CAPZA2: variants seen among roughly 807,000 people sequenced by gnomAD.
The protein encoded by CAPZA2 is capping actin protein of muscle Z-line subunit alpha 2, also known as F-actin-capping protein subunit alpha-2.
A neutral mutation model predicts 44.0 loss-of-function variants in CAPZA2; 13 were observed. The observed-to-expected ratio is 0.30, with a 90% CI of 0.19 to 0.47. The LOEUF is 0.47. Ranked by LOEUF, CAPZA2 falls within the 20% of genes least tolerant of loss-of-function variation. The pLI is 1.00. For synonymous variants in CAPZA2, 94 were observed against 108.2 expected, an observed-to-expected ratio of 0.87 and a Z score of 0.81; for missense variants, 244 against 338.6, an observed-to-expected ratio of 0.72 and a Z score of 2.19.
chr7:116,877,730 C>T (rs1796640147), intron 1 of CAPZA2, among the ~76,000 whole-genome samples: 2 of 152,206 alleles, frequency 1.3e-5, no homozygotes, highest in Non-Finnish European at 2.9e-5. Context: ...TAATATTTTA[C>T]AGCCTTAGAA....
At chr7:116,863,015 C>G (rs919753507) in intron 1 of CAPZA2, among the ~76,000 whole-genome samples, 4 of 152,100 alleles carry the variant, frequency 2.6e-5, no homozygotes, top group Admixed American at 6.5e-5. Context: ...GACCGGGGAC[C>G]AGGGACGCAA....
At chr7:116,905,271 GGC>G (rs1293782219) in intron 5 of CAPZA2, among the ~76,000 whole-genome samples, 1 of 151,892 alleles carries the variant, frequency 6.6e-6, no homozygotes, top group Non-Finnish European at 1.5e-5. Flanking sequence ...GTGCTTCAGT[GGC>G]CTTTTCCATT....
At position 116,904,173 on chromosome 7, in the gene CAPZA2, A is replaced by G. The variant is rs1797030274; in HGVS notation, c.220-4A>G. On this transcript the variant is annotated splice_region_variant and splice_polypyrimidine_tract_variant and intron_variant, in intron 4 of 9. Coordinates refer to ENST00000361183, the MANE Select transcript of CAPZA2 (RefSeq NM_006136.3). The stretch of plus-strand genomic sequence containing the variant: ...TTTTTTCTAAATTCATTCCATCATC[A>G]AAGGTATTGATAACAGAACATGGCG... The G allele has an allele frequency of 6.3e-7, 1 of 1,576,002 alleles. No individual in the cohort carries two copies. The highest frequency in any genetic ancestry group is 1.4e-5 in the African/African-American group (1 of 73,688).
intron 8 of CAPZA2, among the ~76,000 whole-genome samples, chr7:116,914,428 T>TACAC (rs1413792289): frequency 1.6e-4 from 18 of 114,278 alleles, no homozygotes; most frequent in African/African-American, 3.7e-4. Flanking sequence ...TACATATACA[T>TACAC]ACATACACAC....
chr7:116,864,768 G>T (rs987489449), intron 1 of CAPZA2, among the ~76,000 whole-genome samples: 1 of 152,116 alleles, frequency 6.6e-6, no homozygotes, highest in African/African-American at 2.4e-5. Context: ...GCTGGGCACG[G>T]TGGTTTGCAC....
chr7:116,868,149 A>T (rs1241043924), intron 1 of CAPZA2, among the ~76,000 whole-genome samples: 2 of 152,204 alleles, frequency 1.3e-5, no homozygotes, highest in Non-Finnish European at 2.9e-5. Context: ...TTTAGCTTAG[A>T]TTACACAGCT....
intron 4 of CAPZA2, among the ~76,000 whole-genome samples, chr7:116,903,926 CA>C (rs1797027500): frequency 6.6e-6 from 1 of 152,112 alleles, no homozygotes; most frequent in East Asian, 1.9e-4. Flanking sequence ...TTAGAGGTTG[CA>C]TTTTTTTTCA....
intron 1 of CAPZA2, among the ~76,000 whole-genome samples, chr7:116,872,920 G>T (rs530656843): frequency 4.1e-4 from 62 of 152,272 alleles, no homozygotes; most frequent in African/African-American, 1.5e-3. Flanking sequence ...TCAGAATCAC[G>T]TGGAGAGATT....
chr7:116,883,512 C>T (rs1796725105), intron 1 of CAPZA2, among the ~76,000 whole-genome samples: 1 of 152,124 alleles, frequency 6.6e-6, no homozygotes, highest in Admixed American at 6.5e-5. Context: ...CAGAAAGAAC[C>T]AGATTAAAGT....
chr7:116,916,475 T>C (rs1434090945), intron 9 of CAPZA2, among the ~76,000 whole-genome samples: 1 of 152,156 alleles, frequency 6.6e-6, no homozygotes, highest in Admixed American at 6.5e-5. Flanking sequence ...ATACAAAAAT[T>C]AGCTGTGTGT....
intron 1 of CAPZA2, among the ~76,000 whole-genome samples, chr7:116,887,624 G>T (rs1311543226): frequency 6.6e-6 from 1 of 152,132 alleles, no homozygotes; most frequent in Non-Finnish European, 1.5e-5. Flanking sequence ...TTGAGGTCAG[G>T]AGTTGAAGAC....
At chr7:116,907,993 C>G (rs1791539826) in intron 6 of CAPZA2, among the ~76,000 whole-genome samples, 1 of 152,072 alleles carries the variant, frequency 6.6e-6, no homozygotes, top group South Asian at 2.1e-4. Flanking sequence ...ATACTTCAAG[C>G]CAGGCATCTG....
intron 1 of CAPZA2, among the ~76,000 whole-genome samples, chr7:116,878,271 C>A (rs149135079): frequency 2.5e-4 from 38 of 152,228 alleles, no homozygotes; most frequent in Middle Eastern, 3.4e-3. Flanking sequence ...TTATTTTGTT[C>A]CTCACAAAAG....
intron 9 of CAPZA2, 29 bp downstream of exon 9, chr7:116,916,151 A>T: frequency 6.7e-7 from 1 of 1,501,282 alleles, no homozygotes; most frequent in Non-Finnish European, 8.9e-7. Context: ...TATATAAGCT[A>T]CACTCACATA....
intron 5 of CAPZA2, among the ~76,000 whole-genome samples, chr7:116,904,982 A>T (rs904571571): frequency 5.3e-5 from 8 of 149,634 alleles, no homozygotes; most frequent in African/African-American, 2.0e-4. Context: ...AAAAAAAAAA[A>T]AAAAAAACAA....
chr7:116,871,998 T>C (rs950966286), intron 1 of CAPZA2, among the ~76,000 whole-genome samples: 2 of 152,150 alleles, frequency 1.3e-5, no homozygotes, highest in African/African-American at 4.8e-5. Flanking sequence ...TTGTTGTTGT[T>C]GTTGTTGTTG....
intron 1 of CAPZA2, among the ~76,000 whole-genome samples, chr7:116,884,508 G>A (rs1796736877): frequency 6.6e-6 from 1 of 152,046 alleles, no homozygotes; most frequent in Non-Finnish European, 1.5e-5. Flanking sequence ...AGGGAATACT[G>A]TAGAGTTACT....
intron 9 of CAPZA2, 82 bp from the exon 10 acceptor site, chr7:116,917,645 C>T: frequency 1.0e-6 from 1 of 993,244 alleles, no homozygotes; most frequent in Non-Finnish European, 1.6e-6. Flanking sequence ...TTAAATAAAA[C>T]TTATTCTGAA....
At chr7:116,911,833 C>T (rs751474034) in intron 7 of CAPZA2, among the ~76,000 whole-genome samples, 1 of 152,180 alleles carries the variant, frequency 6.6e-6, no homozygotes, top group Non-Finnish European at 1.5e-5. Context: ...CAAAAATGTC[C>T]AGCAGTCAGG....
Sources: allele counts gnomAD v4.1 joint callset (sites outside exome capture counted in the v4.1 genomes callset), GRCh38; gene constraint gnomAD v4.1.1; transcripts MANE v1.5; gene names NCBI Gene and HGNC (gene_info 2026-07-23, HGNC 2026-07-21).